The following DLGAP2 variants were observed in gnomAD, a reference collection of about 807,000 sequenced individuals.
DLGAP2 encodes the protein DLG associated protein 2, also known as disks large-associated protein 2.
In DLGAP2, 26 loss-of-function variants were observed where a neutral mutation model predicts 100.3. The ratio of observed to expected loss-of-function variants is 0.26; its 90% CI spans 0.19 to 0.36. The LOEUF (loss-of-function observed/expected upper bound fraction) is 0.36. Ranked by LOEUF, DLGAP2 falls within the 10% of genes least tolerant of loss-of-function variation. DLGAP2 has a pLI of 1.00. For synonymous variants in DLGAP2, 886 were observed against 630.1 expected (o/e 1.41, Z -6.08); for missense variants, 1,858 against 1,453.2 (o/e 1.28, Z -4.53).
In DLGAP2 at chr8:1,684,040, G is replaced by A. The variant is rs555769387; in HGVS notation, c.2704+5411G>A. 3.4e-5 allele frequency among the ~76,000 whole-genome samples: 5 copies of A among 145,262 alleles called. No homozygotes were observed. The East Asian group carries it at 8.2e-4, about 24-fold the overall frequency. ...TCTGACACCAAGGCTGGAGCGCAGT[G>A]GCGCGATCTCAGCTCACTGCAACCT... On this transcript the variant is annotated intron_variant, in intron 12 of 14. Coordinates refer to ENST00000637795, the MANE Select transcript of DLGAP2 (RefSeq NM_001346810.2).
At chr8:1,215,833 C>G (rs1310421702) in intron 2 of DLGAP2, among the ~76,000 whole-genome samples, 1 of 136,112 alleles carries the variant, frequency 7.3e-6, no homozygotes, top group Admixed American at 7.0e-5. Flanking sequence ...TGGAGACGTC[C>G]AGGTACCTGG....
At chr8:1,373,124 C>T (rs960168998) in intron 3 of DLGAP2, among the ~76,000 whole-genome samples, 1 of 152,172 alleles carries the variant, frequency 6.6e-6, no homozygotes, top group East Asian at 1.9e-4. Flanking sequence ...GGGGCGCCAG[C>T]ATGTGGGGCG....
chr8:1,119,311 A>G (rs1290774957), intron 2 of DLGAP2, among the ~76,000 whole-genome samples: 1 of 152,222 alleles, frequency 6.6e-6, no homozygotes. Context: ...TCTGCAAAAT[A>G]TTTTAGTGTC....
intron 1 of DLGAP2, among the ~76,000 whole-genome samples, chr8:887,834 C>G (rs930164917): frequency 6.6e-6 from 1 of 152,122 alleles, no homozygotes; most frequent in Non-Finnish European, 1.5e-5. Flanking sequence ...CTTGGAGAAT[C>G]TGATGATTAT....
At chr8:889,274 T>C (rs1388138566) in intron 1 of DLGAP2, among the ~76,000 whole-genome samples, 1 of 152,196 alleles carries the variant, frequency 6.6e-6, no homozygotes, top group African/African-American at 2.4e-5. Context: ...TAGCTTGGGC[T>C]CAGAGGCCTG....
chr8:1,051,780 T>C (rs1367115871), intron 2 of DLGAP2, among the ~76,000 whole-genome samples: 1 of 152,062 alleles, frequency 6.6e-6, no homozygotes, highest in Non-Finnish European at 1.5e-5. Context: ...GTCTCATGCC[T>C]GCTCAGTCAC....
At chr8:783,864 C>A (rs922624994) in intron 1 of DLGAP2, among the ~76,000 whole-genome samples, 1 of 152,136 alleles carries the variant, frequency 6.6e-6, no homozygotes, top group Non-Finnish European at 1.5e-5. Context: ...ATGGGCGAAA[C>A]TTATTTTTAG....
intron 2 of DLGAP2, among the ~76,000 whole-genome samples, chr8:1,061,772 C>G (rs745370902): frequency 6.6e-6 from 1 of 152,034 alleles, no homozygotes; most frequent in Non-Finnish European, 1.5e-5. Context: ...TCGGAGGTTG[C>G]ACTGAGCCAT....
intron 1 of DLGAP2, among the ~76,000 whole-genome samples, chr8:880,418 C>G (rs560128073): frequency 1.2e-4 from 19 of 152,238 alleles, no homozygotes; most frequent in African/African-American, 4.3e-4. Flanking sequence ...TATCTGGCTC[C>G]TGTGCGGGGT....
At chr8:1,303,208 T>C (rs1800402186) in intron 3 of DLGAP2, among the ~76,000 whole-genome samples, 1 of 152,068 alleles carries the variant, frequency 6.6e-6, no homozygotes, top group South Asian at 2.1e-4. Context: ...CCATCCTGGC[T>C]AACACGGTGA....
intron 6 of DLGAP2, among the ~76,000 whole-genome samples, chr8:1,574,764 G>A (rs1443576445): frequency 1.3e-5 from 2 of 152,210 alleles, no homozygotes; most frequent in African/African-American, 4.8e-5. Context: ...TTTAAAAGCA[G>A]AAATTGTATA....
At chr8:958,296 A>G (rs916637811) in intron 2 of DLGAP2, among the ~76,000 whole-genome samples, 52 of 152,122 alleles carry the variant, frequency 3.4e-4, no homozygotes, top group Admixed American at 7.9e-4. Context: ...CCATTCATCT[A>G]TTGATGGGCA....
intron 3 of DLGAP2, among the ~76,000 whole-genome samples, chr8:1,374,440 T>G (rs989946619): frequency 2.6e-5 from 4 of 152,180 alleles, no homozygotes; most frequent in African/African-American, 9.6e-5. Context: ...TTGCCTTCTC[T>G]GTAGGATGAT....
intron 3 of DLGAP2, among the ~76,000 whole-genome samples, chr8:1,497,619 A>T (rs1188334478): frequency 6.6e-6 from 1 of 152,168 alleles, no homozygotes; most frequent in African/African-American, 2.4e-5. Flanking sequence ...GGTAATTAGC[A>T]TTTCTCCCAT....
intron 8 of DLGAP2, among the ~76,000 whole-genome samples, chr8:1,661,320 A>G (rs1798404421): frequency 6.6e-6 from 1 of 152,122 alleles, no homozygotes; most frequent in African/African-American, 2.4e-5. Flanking sequence ...GGCCTCTACT[A>G]TGTTGACATG....
At chr8:764,647 A>T (rs1450125180) in intron 1 of DLGAP2, among the ~76,000 whole-genome samples, 1 of 152,110 alleles carries the variant, frequency 6.6e-6, no homozygotes, top group East Asian at 1.9e-4. Context: ...TTATTTTTCT[A>T]ATTAGATACA....
At chr8:1,034,103 G>GT (rs2129028622) in intron 2 of DLGAP2, among the ~76,000 whole-genome samples, 1 of 54,386 alleles carries the variant, frequency 1.8e-5, no homozygotes, top group Admixed American at 1.8e-4. Context: ...GTCACCGCGA[G>GT]GGGACTCACA....
chr8:1,093,103 G>A (rs945250344), intron 2 of DLGAP2, among the ~76,000 whole-genome samples: 6 of 152,206 alleles, frequency 3.9e-5, no homozygotes, highest in African/African-American at 9.6e-5. Context: ...CTTGGGGACC[G>A]CACGCTTCTT....
intron 1 of DLGAP2, among the ~76,000 whole-genome samples, chr8:840,773 G>A (rs529032711): frequency 6.6e-6 from 1 of 152,138 alleles, no homozygotes; most frequent in Non-Finnish European, 1.5e-5. Context: ...TTCTGCGAGC[G>A]CGTCTACACG....
Sources: gnomAD v4.1 joint callset for allele counts (sites outside exome capture counted in the v4.1 genomes callset) on GRCh38, gnomAD v4.1.1 for gene constraint, MANE v1.5 for transcripts, NCBI Gene and HGNC (gene_info 2026-07-23, HGNC 2026-07-21) for gene names.